FGGY: variants seen among roughly 807,000 people sequenced by gnomAD.
FGGY encodes FGGY carbohydrate kinase domain containing.
FGGY carries 72 observed loss-of-function variants against 71.3 expected under a neutral mutation model. The ratio of observed to expected loss-of-function variants is 1.01; its 90% CI spans 0.84 to 1.23. FGGY has a LOEUF of 1.23. Among genes scored for constraint, FGGY ranks in the 50% most tolerant of loss-of-function variants. The pLI, the probability that FGGY is intolerant of heterozygous loss-of-function variation, is 0.00. For missense variants in FGGY, 668 were observed against 682.3 expected (o/e 0.98, Z 0.23); for synonymous variants, 251 against 250.3 (o/e 1.00, Z -0.02).
intron 4 of FGGY, among the ~76,000 whole-genome samples, chr1:59,360,443 G>T (rs111708170): frequency 3.3e-5 from 5 of 152,206 alleles, no homozygotes; most frequent in African/African-American, 9.7e-5. Context: ...CCATGTCCTG[G>T]GAAGCAGTAG....
chr1:59,433,292 G>A (rs866875844), intron 5 of FGGY, among the ~76,000 whole-genome samples: 1 of 152,162 alleles, frequency 6.6e-6, no homozygotes, highest in African/African-American at 2.4e-5. Context: ...TATCTGCTGG[G>A]AGACAAAATG....
intron 8 of FGGY, among the ~76,000 whole-genome samples, chr1:59,601,064 A>ATAGCACCG (rs2096572904): frequency 6.7e-6 from 1 of 150,228 alleles, no homozygotes; most frequent in Admixed American, 6.7e-5. Context: ...TAGTAAGACG[A>ATAGCACCG]TAGCACCGTC....
intron 8 of FGGY, among the ~76,000 whole-genome samples, chr1:59,585,916 C>G (rs192046381): frequency 5.1e-4 from 77 of 152,304 alleles, no homozygotes; most frequent in African/African-American, 1.9e-3. Flanking sequence ...TGAAAAAATG[C>G]TCATCATCAC....
chr1:59,319,319 C>T (rs748742267), intron 1 of FGGY, among the ~76,000 whole-genome samples: 1 of 152,170 alleles, frequency 6.6e-6, no homozygotes, highest in African/African-American at 2.4e-5. Context: ...TTCAGTTGTT[C>T]ATTCAGTAAA....
intron 2 of FGGY, among the ~76,000 whole-genome samples, chr1:59,322,349 A>C (rs1047036167): frequency 6.6e-6 from 1 of 150,376 alleles, no homozygotes; most frequent in African/African-American, 2.5e-5. Flanking sequence ...TTGGTTACGT[A>C]AGTTCTTTAG....
chr1:59,434,474 C>G (rs2068004909), intron 5 of FGGY, among the ~76,000 whole-genome samples: 1 of 152,232 alleles, frequency 6.6e-6, no homozygotes, highest in African/African-American at 2.4e-5. Context: ...AGATATGCGA[C>G]AAGACAGGGT....
intron 5 of FGGY, among the ~76,000 whole-genome samples, chr1:59,430,615 C>G (rs531696993): frequency 1.3e-5 from 2 of 152,138 alleles, no homozygotes; most frequent in Non-Finnish European, 1.5e-5. Context: ...CCAGCTGCCT[C>G]TATTCCCTAG....
chr1:59,665,714 C>T (rs190488665), intron 12 of FGGY, among the ~76,000 whole-genome samples: 1 of 152,010 alleles, frequency 6.6e-6, no homozygotes, highest in Non-Finnish European at 1.5e-5. Context: ...TGCTCTATTG[C>T]CCAGGCTGGA....
Position 59,660,227 on chromosome 1 carries a change from A to T in FGGY, c.1230A>T (p.Gly410=). Residue 410 remains glycine (G), a synonymous_variant, in exon 12 of 16, where the codon GGA becomes GGT. Coordinates refer to ENST00000303721, the MANE Select transcript of FGGY (RefSeq NM_018291.5). ...ADLTLKGMVT[G]LKLSQDLDDL... ...TCCCTTCATGCCTGCAGGTCACCGG[A>T]TTGAAACTGTCTCAGGACCTTGATG... 6.2e-7 allele frequency: 1 copy of T among 1,613,584 alleles called. No individual in the cohort carries two copies. Among genetic ancestry groups the T allele is most frequent in the Non-Finnish European group, 8.5e-7 (1 of 1,179,972 alleles).
At chr1:59,511,533 G>T (rs917819961) in intron 6 of FGGY, among the ~76,000 whole-genome samples, 1 of 152,148 alleles carries the variant, frequency 6.6e-6, no homozygotes. Flanking sequence ...GGTTCTCTGG[G>T]TTCTTATCTT....
At chr1:59,759,764 G>C (rs2098326875) in intron 15 of FGGY, among the ~76,000 whole-genome samples, 1 of 152,256 alleles carries the variant, frequency 6.6e-6, no homozygotes, top group Non-Finnish European at 1.5e-5. Context: ...TTAGGCCTCT[G>C]CCACACAGAA....
chr1:59,716,260 G>T (rs895590925), intron 14 of FGGY, among the ~76,000 whole-genome samples: 4 of 152,102 alleles, frequency 2.6e-5, no homozygotes, highest in Non-Finnish European at 5.9e-5. Context: ...TAATACATCT[G>T]TTTTATTAGC....
At chr1:59,500,016 C>T (rs573902912) in intron 6 of FGGY, among the ~76,000 whole-genome samples, 3 of 152,056 alleles carry the variant, frequency 2.0e-5, no homozygotes, top group Non-Finnish European at 4.4e-5. Context: ...TCTGTACTGT[C>T]GAATTTTGCC....
intron 5 of FGGY, among the ~76,000 whole-genome samples, chr1:59,402,279 C>T (rs2062072423): frequency 6.6e-6 from 1 of 152,108 alleles, no homozygotes; most frequent in African/African-American, 2.4e-5. Flanking sequence ...GATGGGTCAG[C>T]CGTGTATACT....
intron 11 of FGGY, among the ~76,000 whole-genome samples, chr1:59,657,385 G>A (rs926841508): frequency 4.6e-5 from 7 of 152,168 alleles, no homozygotes; most frequent in African/African-American, 1.7e-4. Context: ...AGTGCACTAA[G>A]CCATGGCCCA....
chr1:59,444,859 G>A lies in FGGY; in HGVS notation c.555-12102G>A, dbSNP rs114150192. ...AAAACTGGGTCCTGGTGCCCAAAAG[G>A]CTGGGGACCGCTGGTATAAAACAGA... is the stretch of plus-strand genomic sequence containing the variant. On this transcript the variant is annotated intron_variant, in intron 5 of 15. Transcript: ENST00000303721. Among the ~76,000 whole-genome samples the A allele has an allele frequency of 9.8e-3, 1,485 of 152,172 alleles. 25 individuals carry two copies. The highest frequency in any genetic ancestry group is 0.033 in the African/African-American group (1,373 of 41,512).
At chr1:59,383,595 A>T (rs2153355870) in intron 5 of FGGY, among the ~76,000 whole-genome samples, 1 of 152,110 alleles carries the variant, frequency 6.6e-6, no homozygotes, top group Admixed American at 6.6e-5. Context: ...ACCAATACTA[A>T]CATCAACAAA....
chr1:59,326,829 C>A (rs1036789572), intron 2 of FGGY, among the ~76,000 whole-genome samples: 17 of 152,064 alleles, frequency 1.1e-4, no homozygotes, highest in African/African-American at 3.6e-4. Context: ...TCCAGAACAC[C>A]ATAATGAGGT....
intron 14 of FGGY, among the ~76,000 whole-genome samples, chr1:59,749,866 T>G (rs146990737): frequency 1.3e-5 from 2 of 152,324 alleles, no homozygotes; most frequent in East Asian, 3.9e-4. Flanking sequence ...AGCTAGTAAA[T>G]GTAAAAATCC....
Sources: allele counts gnomAD v4.1 joint callset (sites outside exome capture counted in the v4.1 genomes callset), GRCh38; gene constraint gnomAD v4.1.1; transcripts MANE v1.5; gene names NCBI Gene and HGNC (gene_info 2026-07-23, HGNC 2026-07-21).